LYRM4: variants seen among roughly 807,000 people sequenced by gnomAD.
LYRM4 encodes LYR motif-containing protein 4.
A neutral mutation model predicts 11.7 loss-of-function variants in LYRM4; 9 were observed. The observed-to-expected ratio is 0.77, with a 90% CI of 0.46 to 1.34. The LOEUF is 1.34. Ranked by LOEUF, LYRM4 falls within the 40% of genes most tolerant of loss-of-function variation. The pLI is 0.00. For missense variants in LYRM4, 133 were observed against 112.5 expected (o/e 1.18, Z -0.82); for synonymous variants, 42 against 40.4 (o/e 1.04, Z -0.15).
At chr6:5,073,273 G>A in the LYRM4 span, among the ~76,000 whole-genome samples, 1 of 152,060 alleles carries the variant, frequency 6.6e-6, no homozygotes, top group Admixed American at 6.6e-5. Flanking sequence ...GGGAGGCTGT[G>A]GCACAAGAAT....
At chr6:5,127,517 T>C (rs1763749888) in intron 2 of LYRM4, among the ~76,000 whole-genome samples, 2 of 152,230 alleles carry the variant, frequency 1.3e-5, no homozygotes, top group Admixed American at 1.3e-4. Flanking sequence ...TGCTACTCCA[T>C]TGGACATGTG....
chr6:5,048,045 G>T, the LYRM4 span, among the ~76,000 whole-genome samples: 1 of 152,180 alleles, frequency 6.6e-6, no homozygotes, highest in South Asian at 2.1e-4. Context: ...CTGGGTCATT[G>T]AACGGTCATG....
At chr6:5,056,647 A>G in the LYRM4 span, among the ~76,000 whole-genome samples, 3 of 152,386 alleles carry the variant, frequency 2.0e-5, no homozygotes, top group African/African-American at 7.2e-5. Flanking sequence ...AAAAGTCTTT[A>G]AATACCAGGT....
intron 2 of LYRM4, among the ~76,000 whole-genome samples, chr6:5,124,577 C>A (rs1163679169): frequency 6.6e-6 from 1 of 152,190 alleles, no homozygotes; most frequent in African/African-American, 2.4e-5. Context: ...CGACAATCAC[C>A]TCTATTCAGG....
At chr6:5,117,769 A>G (rs966546260) in intron 2 of LYRM4, among the ~76,000 whole-genome samples, 3 of 152,014 alleles carry the variant, frequency 2.0e-5, no homozygotes, top group Admixed American at 2.0e-4. Context: ...TCAGGAATCT[A>G]AGGTGGGAAG....
In LYRM4 at chr6:5,260,617, CGCCCCCG is replaced by C. The variant is rs1391667164; in HGVS notation, c.86+24_86+30del. 2.8e-5 allele frequency: 42 copies of C among 1,491,466 alleles called. No homozygotes were observed. The East Asian group carries it at 8.9e-4, about 32-fold the overall frequency. 92.4% of individuals were successfully genotyped at this position (1,491,466 alleles called of 1,614,324 possible). A position where few individuals can be genotyped will look rare whatever the true frequency, so the allele number is the denominator to read the frequency against. On this transcript the variant is annotated intron_variant, in intron 1 of 2. Coordinates refer to ENST00000330636, the MANE Select transcript of LYRM4 (RefSeq NM_020408.6). ...CCCCGGTCCCCGGCCCCTGGCCCCCCGCCCCCGGCCCCCGGTGCCCGCTGGGTCACCT... is the reference window on the plus strand; with the variant it reads ...CCCCGGTCCCCGGCCCCTGGCCCCCCGCCCCCGGTGCCCGCTGGGTCACCT...
the LYRM4 span, among the ~76,000 whole-genome samples, chr6:5,092,406 C>G: frequency 6.6e-6 from 1 of 151,964 alleles, no homozygotes; most frequent in African/African-American, 2.4e-5. Flanking sequence ...TCTTCCCATA[C>G]GTTTTACATT....
the LYRM4 span, among the ~76,000 whole-genome samples, chr6:5,049,424 T>C: frequency 6.6e-6 from 1 of 152,164 alleles, no homozygotes; most frequent in Non-Finnish European, 1.5e-5. Context: ...GAGTCTTCCC[T>C]GCATCCTGCC....
At chr6:5,115,854 G>A (rs1299731439) in intron 2 of LYRM4, among the ~76,000 whole-genome samples, 2 of 152,150 alleles carry the variant, frequency 1.3e-5, no homozygotes, top group African/African-American at 4.8e-5. Flanking sequence ...AGGATACAGA[G>A]ATGCGTGTCT....
At chr6:5,067,071 C>A in the LYRM4 span, 1 of 332,146 alleles carries the variant, frequency 3.0e-6, no homozygotes, top group Non-Finnish European at 5.5e-6. Flanking sequence ...ATCATTGAAA[C>A]ATACATATAT....
At chr6:5,072,712 C>A in the LYRM4 span, among the ~76,000 whole-genome samples, 1 of 151,776 alleles carries the variant, frequency 6.6e-6, no homozygotes, top group African/African-American at 2.4e-5. Flanking sequence ...CCGCATCGGC[C>A]CACATCAAAG....
At chr6:5,087,328 A>G in the LYRM4 span, 2 of 152,306 alleles carry the variant, frequency 1.3e-5, no homozygotes, top group East Asian at 3.9e-4. Context: ...TCCTTAAACA[A>G]CAGCCTACAA....
intron 2 of LYRM4, chr6:5,113,349 T>C (rs781767654): frequency 6.7e-5 from 30 of 449,228 alleles, no homozygotes; most frequent in African/African-American, 5.6e-4. Context: ...GGTTTGAACC[T>C]GGGAGGTGGA....
chr6:5,241,276 A>G (rs1373569419), intron 1 of LYRM4, among the ~76,000 whole-genome samples: 2 of 152,232 alleles, frequency 1.3e-5, no homozygotes, highest in Non-Finnish European at 2.9e-5. Flanking sequence ...AACAATGCAT[A>G]TTAAAGTCTA....
intron 2 of LYRM4, among the ~76,000 whole-genome samples, chr6:5,152,498 C>T (rs561382626): frequency 4.6e-4 from 70 of 152,236 alleles, no homozygotes; most frequent in Admixed American, 9.2e-4. Context: ...TATACCCCAT[C>T]GTATCTTCTT....
intron 2 of LYRM4, among the ~76,000 whole-genome samples, chr6:5,171,433 C>T (rs751542858): frequency 1.3e-5 from 2 of 152,196 alleles, no homozygotes; most frequent in African/African-American, 4.8e-5. Flanking sequence ...CCTATTCTGG[C>T]CTCCAGTTTA....
chr6:5,131,165 A>T (rs1253591289), intron 2 of LYRM4, among the ~76,000 whole-genome samples: 2 of 152,232 alleles, frequency 1.3e-5, no homozygotes. Context: ...TAAAACCTTC[A>T]AACTAAATAA....
rs143999791 is a variant in LYRM4, at chr6:5,111,062, C to T, written c.208-1571G>A. On this transcript the variant is annotated intron_variant, in intron 2 of 2. Transcript: ENST00000330636. ...AAATAGCTGCTGGGTGAGCTGAAGC[C>T]ATCTATACCCTACTACAGAGAAGGG... 2.8e-4 allele frequency among the ~76,000 whole-genome samples: 42 copies of T among 152,244 alleles called. No homozygotes were observed. The East Asian group carries it at 7.1e-3, about 26-fold the overall frequency.
At chr6:5,173,962 A>G (rs141659880) in intron 2 of LYRM4, among the ~76,000 whole-genome samples, 1,992 of 152,294 alleles carry the variant, frequency 0.013, 39 homozygotes, top group African/African-American at 0.044. Context: ...GAAACTATAG[A>G]CTGGGGGGCT....
Sources: allele counts gnomAD v4.1 joint callset (sites outside exome capture counted in the v4.1 genomes callset), GRCh38; gene constraint gnomAD v4.1.1; transcripts MANE v1.5; gene names NCBI Gene and HGNC (gene_info 2026-07-23, HGNC 2026-07-21).